Variants in TMEM248 observed in about 807,000 individuals in gnomAD.
TMEM248 encodes transmembrane protein 248.
TMEM248 carries 9 observed loss-of-function variants against 30.3 expected under a neutral mutation model. That is an observed-to-expected ratio of 0.30 (90% CI 0.18 to 0.52). The LOEUF (loss-of-function observed/expected upper bound fraction) is 0.52, where lower values mean the gene tolerates loss of function less well. TMEM248 is among the 20% of genes least tolerant of loss of function. TMEM248 has a pLI of 0.97. For missense variants in TMEM248, 338 were observed against 403.3 expected (o/e 0.84, Z 1.39); for synonymous variants, 184 against 154.4 (o/e 1.19, Z -1.42).
intron 1 of TMEM248, among the ~76,000 whole-genome samples, chr7:66,933,992 A>C (rs1328498714): frequency 6.6e-6 from 1 of 151,320 alleles, no homozygotes; most frequent in Non-Finnish European, 1.5e-5. Flanking sequence ...ACAGAACTTA[A>C]TTTATTCATT....
At chr7:66,935,587 G>C (rs1164701712) in intron 1 of TMEM248, among the ~76,000 whole-genome samples, 1 of 152,238 alleles carries the variant, frequency 6.6e-6, no homozygotes, top group African/African-American at 2.4e-5. Context: ...TTGTTGTGCA[G>C]GCTGGAGTGC....
chr7:66,948,519 TA>T, intron 3 of TMEM248, 24 bp from the exon 4 acceptor site: 1 of 1,605,838 alleles, frequency 6.2e-7, no homozygotes, highest in East Asian at 2.2e-5. Flanking sequence ...CTTGACTTTA[TA>T]AAAAAATGAT....
intron 3 of TMEM248, 140 bp from the exon 4 acceptor site, chr7:66,948,404 C>T: frequency 9.6e-7 from 1 of 1,042,348 alleles, no homozygotes; most frequent in Non-Finnish European, 1.4e-6. Flanking sequence ...GACTGCTCTT[C>T]TTCCTCAGAT....
intron 2 of TMEM248, among the ~76,000 whole-genome samples, chr7:66,944,631 C>T (rs1283094316): frequency 6.6e-6 from 1 of 152,174 alleles, no homozygotes; most frequent in African/African-American, 2.4e-5. Context: ...TTCAAGCGTT[C>T]TTTTCAAGTT....
intron 1 of TMEM248, among the ~76,000 whole-genome samples, chr7:66,923,013 C>T (rs994649683): frequency 7.9e-5 from 12 of 152,108 alleles, no homozygotes; most frequent in Admixed American, 2.6e-4. Flanking sequence ...GGCATAAGTG[C>T]GAATATATTA....
At chr7:66,926,168 C>G (rs957448672) in intron 1 of TMEM248, among the ~76,000 whole-genome samples, 1 of 152,144 alleles carries the variant, frequency 6.6e-6, no homozygotes, top group Admixed American at 6.5e-5. Context: ...GGCCATTTGT[C>G]GGTCTCTTGA....
At chr7:66,951,159 TGTGTGTGCGTGCATGCATATGCAC>T in intron 5 of TMEM248, 24 bp downstream of exon 5, 1 of 1,551,190 alleles carries the variant, frequency 6.4e-7, no homozygotes, top group Non-Finnish European at 8.7e-7. Flanking sequence ...ATTGTGTGTG[TGTGTGTGCGTGCATGCATATGCAC>T]ATGTGTGCGC....
At chr7:66,937,064 T>C (rs1038816395) in intron 1 of TMEM248, among the ~76,000 whole-genome samples, 1 of 152,188 alleles carries the variant, frequency 6.6e-6, no homozygotes, top group Admixed American at 6.5e-5. Flanking sequence ...CTATAAACTT[T>C]CCTCTTAGTA....
Position 66,951,055 on chromosome 7 carries a change from A to C in TMEM248, c.700A>C (p.Asn234His). 2 of 1,613,130 alleles carry C rather than the reference A, an allele frequency of 1.2e-6. No homozygotes were observed. Among genetic ancestry groups the C allele is most frequent in the Non-Finnish European group, 1.7e-6 (2 of 1,179,758 alleles). ...CAACACAAAATACGCCCAAGATTAC[A>C]ATCCTTTCTGGTGTTATAAGGGGGC... ...DANTKYAQDY[N>H]PFWCYKGAIG... Residue 234 changes from asparagine (N) to histidine (H), a missense_variant, in exon 5 of 7, where the codon AAT becomes CAT. Coordinates refer to ENST00000341567, the MANE Select transcript of TMEM248 (RefSeq NM_017994.5).
chr7:66,923,485 A>G (rs930195862), intron 1 of TMEM248, among the ~76,000 whole-genome samples: 2 of 152,156 alleles, frequency 1.3e-5, no homozygotes, highest in Non-Finnish European at 2.9e-5. Context: ...AGAAAGATCA[A>G]GAGGATTTGG....
At chr7:66,927,392 G>C (rs536882175) in intron 1 of TMEM248, among the ~76,000 whole-genome samples, 1 of 150,940 alleles carries the variant, frequency 6.6e-6, no homozygotes, top group African/African-American at 2.4e-5. Flanking sequence ...TAAACTACAC[G>C]TTTAGCAACT....
chr7:66,927,438 C>CT lies in TMEM248; in HGVS notation c.-19+5991dup, dbSNP rs113278701. ...TTTCTCTTGTAATTTCTTATTTGAT[C>CT]TTTTTTTTTTTTTTGAGACAAGGTT... On this transcript the variant is annotated intron_variant, in intron 1 of 6. Coordinates refer to ENST00000341567, the MANE Select transcript of TMEM248 (RefSeq NM_017994.5). Among the ~76,000 whole-genome samples, 466 of 142,486 alleles carry CT rather than the reference C, an allele frequency of 3.3e-3. 1 individual carries two copies. Among genetic ancestry groups the CT allele is most frequent in the East Asian group, 0.011 (53 of 4,948 alleles). 93.5% of individuals were successfully genotyped at this position (142,486 alleles called of 152,430 possible). A position where few individuals can be genotyped will look rare whatever the true frequency, so the allele number is the denominator to read the frequency against.
rs1554337216 is a variant in TMEM248 at position 66,951,074 on chromosome 7, A to T, written c.719A>T (p.Lys240Met). ...GATTACAATCCTTTCTGGTGTTATA[A>T]GGGGGCCATTGGAAAAGTCTATCAT... is the stretch of plus-strand genomic sequence containing the variant. Reference protein sequence around the residue: ...AQDYNPFWCYKGAIGKVYHAL... With the variant: ...AQDYNPFWCYMGAIGKVYHAL... The change falls in exon 5 of 7, where the codon AAG (lysine) becomes ATG (methionine). Residue 240 changes from lysine (K) to methionine (M), a missense_variant. Lys to Met is a moderately conservative substitution (Grantham distance 95). Coordinates refer to ENST00000341567, the MANE Select transcript of TMEM248 (RefSeq NM_017994.5). 8.7e-6 allele frequency: 14 copies of T among 1,610,784 alleles called. No individual in the cohort carries two copies. The South Asian group carries it at 1.5e-4, about 18-fold the overall frequency.
chr7:66,937,089 T>C (rs1166123462), intron 1 of TMEM248, among the ~76,000 whole-genome samples: 3 of 152,172 alleles, frequency 2.0e-5, no homozygotes, highest in Non-Finnish European at 4.4e-5. Context: ...TTTCACTGGA[T>C]CCCATAGGTT....
rs564073571 is a variant in TMEM248 at position 66,951,560 on chromosome 7, C to T, written c.780+425C>T. On this transcript the variant is annotated intron_variant, in intron 5 of 6. Coordinates refer to ENST00000341567, the MANE Select transcript of TMEM248 (RefSeq NM_017994.5). ...GGAGTAGTAGGAGGAGATGAATCTT[C>T]GGCTAGAGAGTGAGGCCTGAATAGG... 1.3e-4 allele frequency among the ~76,000 whole-genome samples: 19 copies of T among 151,536 alleles called. 1 individual carries two copies. The highest frequency in any genetic ancestry group is 4.4e-4 in the African/African-American group (18 of 41,304).
chr7:66,924,594 A>G (rs1791475039), intron 1 of TMEM248, among the ~76,000 whole-genome samples: 2 of 151,732 alleles, frequency 1.3e-5, no homozygotes, highest in Admixed American at 6.6e-5. Flanking sequence ...TAGTAGAGAC[A>G]GGGTTTCATC....
chr7:66,931,971 A>G (rs1436349957), intron 1 of TMEM248, among the ~76,000 whole-genome samples: 1 of 150,490 alleles, frequency 6.6e-6, no homozygotes, highest in Non-Finnish European at 1.5e-5. Context: ...CACCTGGCTA[A>G]TTTTTTGTAC....
rs1792438281 is a variant in TMEM248 at position 66,957,807 on chromosome 7, G to A, written c.*2285G>A. 6.6e-6 allele frequency: 1 copy of A among 152,164 alleles called. No individual in the cohort carries two copies. Among genetic ancestry groups the A allele is most frequent in the African/African-American group, 2.4e-5 (1 of 41,440 alleles). The allele number at this position is 152,164 out of a possible 1,614,324, so 9.4% of individuals were successfully genotyped here. A position where few individuals can be genotyped will look rare whatever the true frequency, so the allele number is the denominator to read the frequency against. ...GAGGGGCAACACTGTTAGATGTGAG[G>A]AAAGGAAGTGCCAAAAATGCCTGGA... On this transcript the variant is annotated 3_prime_UTR_variant, in exon 7 of 7. Coordinates refer to ENST00000341567, the MANE Select transcript of TMEM248 (RefSeq NM_017994.5).
chr7:66,949,675 C>T (rs1366243095), intron 4 of TMEM248, among the ~76,000 whole-genome samples: 10 of 152,030 alleles, frequency 6.6e-5, no homozygotes, highest in African/African-American at 4.8e-5. Context: ...ATTTTACCTG[C>T]GAATTTGAAA....
Sources: allele counts gnomAD v4.1 joint callset (sites outside exome capture counted in the v4.1 genomes callset), GRCh38; gene constraint gnomAD v4.1.1; transcripts MANE v1.5; gene names NCBI Gene and HGNC (gene_info 2026-07-23, HGNC 2026-07-21).